The following CHP1 variants were observed in gnomAD, a reference collection of about 807,000 sequenced individuals.
CHP1 encodes calcineurin B homologous protein 1.
In CHP1, 11 loss-of-function variants were observed where a neutral mutation model predicts 27.4. The ratio of observed to expected loss-of-function variants is 0.40; its 90% CI spans 0.25 to 0.67. The LOEUF (loss-of-function observed/expected upper bound fraction) is 0.67. CHP1 is among the 30% of genes least tolerant of loss of function. The pLI is 0.38. For missense variants in CHP1, 169 were observed against 251.3 expected, an observed-to-expected ratio of 0.67 and a Z score of 2.22; for synonymous variants, 89 against 87.4, an observed-to-expected ratio of 1.02 and a Z score of -0.10.
At chr15:41,233,088 T>A (rs968713160) in intron 1 of CHP1, among the ~76,000 whole-genome samples, 3 of 152,200 alleles carry the variant, frequency 2.0e-5, no homozygotes, top group Admixed American at 1.3e-4. Flanking sequence ...CAGTACTTGT[T>A]TGGCCACTGA....
intron 2 of CHP1, among the ~76,000 whole-genome samples, chr15:41,254,306 C>G (rs1226864549): frequency 6.6e-6 from 1 of 152,130 alleles, no homozygotes; most frequent in Non-Finnish European, 1.5e-5. Flanking sequence ...ATTTAAACTG[C>G]CTTTTCTCAG....
At chr15:41,279,295 T>C (rs928607011) in intron 6 of CHP1, 41 bp from the exon 7 acceptor site, 1 of 1,518,288 alleles carries the variant, frequency 6.6e-7, no homozygotes, top group Non-Finnish European at 9.1e-7. Flanking sequence ...AGTGTTGTAA[T>C]CTTCATAACC....
intron 3 of CHP1, 132 bp downstream of exon 3, chr15:41,257,122 T>C (rs1245951488): frequency 1.5e-6 from 1 of 652,836 alleles, no homozygotes; most frequent in Non-Finnish European, 2.6e-6. Flanking sequence ...GCAATTCTAA[T>C]TTTGTCATTT....
At chr15:41,275,116 T>G in intron 5 of CHP1, among the ~76,000 whole-genome samples, 1 of 152,046 alleles carries the variant, frequency 6.6e-6, no homozygotes, top group East Asian at 1.9e-4. Flanking sequence ...ATTCTTCTAT[T>G]GGGGTACATT....
At position 41,279,446 on chromosome 15, in the gene CHP1, T is replaced by A. The variant is rs1400587404; in HGVS notation, c.*57T>A. 4 of 1,443,832 alleles carry A rather than the reference T, an allele frequency of 2.8e-6. No homozygotes were observed. The African/African-American group carries it at 5.6e-5, about 20-fold the overall frequency. The allele number at this position is 1,443,832 out of a possible 1,614,324, so 89.4% of individuals were successfully genotyped here. On this transcript the variant is annotated 3_prime_UTR_variant, in exon 7 of 7. Transcript: ENST00000334660. ...TTTAAGAACTGGAACTTGAAAGTCC[T>A]CCTTCTACCAACTCCACCTCCACCC...
intron 4 of CHP1, chr15:41,264,049 G>A (rs976239451): frequency 2.1e-6 from 1 of 469,132 alleles, no homozygotes. Flanking sequence ...CAAGAACTAG[G>A]GATTTTTCTC....
rs1256304618 is a variant in CHP1, at chr15:41,279,637, T to C, written c.*248T>C. On this transcript the variant is annotated 3_prime_UTR_variant, in exon 7 of 7. Coordinates refer to ENST00000334660, the MANE Select transcript of CHP1 (RefSeq NM_007236.5). ...ACTAGTTCTTCATTTATAAATATCA[T>C]CTTCCCCATTCTGCTGCTGAATGCC... 1 of 430,244 alleles carries C rather than the reference T, an allele frequency of 2.3e-6. No homozygotes were observed. The highest frequency in any genetic ancestry group is 4.2e-6 in the Non-Finnish European group (1 of 240,588). The allele number at this position is 430,244 out of a possible 1,614,324, so 26.7% of individuals were successfully genotyped here.
intron 1 of CHP1, among the ~76,000 whole-genome samples, chr15:41,232,399 T>TG (rs969793830): frequency 5.9e-5 from 9 of 152,008 alleles, no homozygotes; most frequent in Non-Finnish European, 8.8e-5. Context: ...TTGGTAGAGA[T>TG]GGGGTTTCAC....
chr15:41,252,111 T>C (rs945020961), intron 2 of CHP1, among the ~76,000 whole-genome samples: 15 of 152,006 alleles, frequency 9.9e-5, no homozygotes, highest in African/African-American at 2.9e-4. Flanking sequence ...CATTTCAGTG[T>C]TAATAAATAT....
At chr15:41,232,239 C>T (rs112563374) in intron 1 of CHP1, among the ~76,000 whole-genome samples, 2,113 of 141,840 alleles carry the variant, frequency 0.015, 36 homozygotes, top group Non-Finnish European at 0.02. Flanking sequence ...GAAACGGAGT[C>T]TCCCTCTGTC....
In CHP1 at chr15:41,268,949, G is replaced by C. The variant is rs968926349; in HGVS notation, c.350-1608G>C. Among the ~76,000 whole-genome samples, 8 of 152,130 alleles carry C rather than the reference G, an allele frequency of 5.3e-5. 1 individual carries two copies. Among genetic ancestry groups the C allele is most frequent in the Admixed American group, 4.6e-4 (7 of 15,234 alleles). On this transcript the variant is annotated intron_variant, in intron 4 of 6. Transcript: ENST00000334660. ...CACTCCAGCCTGGGCAACAGAGCAAGACTCTGTCTCAACAACAACAACAAA... is the reference window on the plus strand; with the variant it reads ...CACTCCAGCCTGGGCAACAGAGCAACACTCTGTCTCAACAACAACAACAAA...
chr15:41,248,034 A>G (rs1358412630), intron 2 of CHP1, among the ~76,000 whole-genome samples: 1 of 152,134 alleles, frequency 6.6e-6, no homozygotes, highest in African/African-American at 2.4e-5. Flanking sequence ...GATTTGCTCA[A>G]TCTGTAAGTT....
At chr15:41,269,506 C>G (rs558466476) in intron 4 of CHP1, among the ~76,000 whole-genome samples, 4 of 152,102 alleles carry the variant, frequency 2.6e-5, no homozygotes, top group African/African-American at 9.7e-5. Flanking sequence ...CTTTCAAGGC[C>G]TTGTTCAAAT....
chr15:41,240,570 A>G (rs988814085), intron 1 of CHP1, among the ~76,000 whole-genome samples: 2 of 152,020 alleles, frequency 1.3e-5, no homozygotes, highest in African/African-American at 4.8e-5. Context: ...CCTGACCAAC[A>G]TGGAGAAACC....
At chr15:41,241,558 C>T (rs779370889) in intron 1 of CHP1, among the ~76,000 whole-genome samples, 4 of 152,242 alleles carry the variant, frequency 2.6e-5, no homozygotes, top group Non-Finnish European at 5.9e-5. Flanking sequence ...CCATTTATAC[C>T]TGTCCGGCTG....
intron 5 of CHP1, among the ~76,000 whole-genome samples, chr15:41,275,524 CT>C (rs1466322736): frequency 6.6e-6 from 1 of 152,124 alleles, no homozygotes; most frequent in East Asian, 1.9e-4. Flanking sequence ...AGTATTTCAG[CT>C]TTTTTTCTTT....
At chr15:41,277,326 A>G (rs765520789) in intron 5 of CHP1, among the ~76,000 whole-genome samples, 17 of 152,200 alleles carry the variant, frequency 1.1e-4, no homozygotes, top group Non-Finnish European at 2.2e-4. Flanking sequence ...CAGTTGTAAC[A>G]TAATGGTAAG....
At chr15:41,247,694 C>T (rs577809082) in intron 2 of CHP1, among the ~76,000 whole-genome samples, 53 of 148,708 alleles carry the variant, frequency 3.6e-4, no homozygotes, top group Non-Finnish European at 7.0e-4. Context: ...TAAATAGGGC[C>T]GGGCGCGGTG....
intron 4 of CHP1, among the ~76,000 whole-genome samples, chr15:41,268,982 T>G (rs779818127): frequency 1.3e-5 from 2 of 149,460 alleles, no homozygotes; most frequent in East Asian, 4.0e-4. Flanking sequence ...AAAAAACAAT[T>G]TATCTAGACA....
Sources: allele counts gnomAD v4.1 joint callset (sites outside exome capture counted in the v4.1 genomes callset), GRCh38; gene constraint gnomAD v4.1.1; transcripts MANE v1.5; gene names NCBI Gene and HGNC (gene_info 2026-07-23, HGNC 2026-07-21).